The following DGUOK variants were observed in gnomAD, a reference collection of about 807,000 sequenced individuals.
DGUOK encodes the protein deoxyguanosine kinase, also known as deoxyguanosine kinase, mitochondrial.
Under a neutral mutation model 36.6 loss-of-function variants are expected in DGUOK, and 30 were observed. That is an observed-to-expected ratio of 0.82 (90% confidence interval 0.61 to 1.11). DGUOK has a LOEUF of 1.11. Ranked by LOEUF, DGUOK falls within the 50% of genes most tolerant of loss-of-function variation. DGUOK has a pLI of 0.00. For synonymous variants in DGUOK, 145 were observed against 126.3 expected (o/e 1.15, Z -0.99); for missense variants, 361 against 336.4 (o/e 1.07, Z -0.57).
In DGUOK at chr2:73,958,805, T is replaced by A; in HGVS notation, c.*69T>A. On this transcript the variant is annotated 3_prime_UTR_variant, in exon 7 of 7. Coordinates refer to ENST00000264093, the MANE Select transcript of DGUOK (RefSeq NM_080916.3). ...TCTGAAGCTAGAAAAATGTTGTGTC[T>A]CCCAACCACCTTTCCATCCCCAGCC... 1.5e-6 allele frequency: 2 copies of A among 1,356,306 alleles called. No individual in the cohort carries two copies. Among genetic ancestry groups the A allele is most frequent in the South Asian group, 2.3e-5 (2 of 86,024 alleles). 84.0% of individuals were successfully genotyped at this position (1,356,306 alleles called of 1,614,324 possible).
intron 1 of DGUOK, among the ~76,000 whole-genome samples, chr2:73,929,143 G>T (rs1017932919): frequency 1.3e-5 from 2 of 151,788 alleles, no homozygotes; most frequent in African/African-American, 4.8e-5. Context: ...GTGTGGTCTT[G>T]CCCTGTTGCC....
In DGUOK at chr2:73,947,182, G is replaced by A. The variant is rs186905301; in HGVS notation, c.443+276G>A. 831 of 452,092 alleles carry A rather than the reference G, an allele frequency of 1.8e-3. 5 individuals are homozygous for A. The highest frequency in any genetic ancestry group is 2.9e-3 in the Non-Finnish European group (701 of 244,252). 28.0% of individuals were successfully genotyped at this position (452,092 alleles called of 1,614,324 possible). ...ATGTTTCCTTATTTTCTGGCATGGA[G>A]CAAGCTGGTAGCCACCTAATGTAAC... On this transcript the variant is annotated intron_variant, in intron 3 of 6. Coordinates refer to ENST00000264093, the MANE Select transcript of DGUOK (RefSeq NM_080916.3).
At chr2:73,949,013 G>A (rs1172062485) in intron 3 of DGUOK, among the ~76,000 whole-genome samples, 1 of 152,188 alleles carries the variant, frequency 6.6e-6, no homozygotes, top group African/African-American at 2.4e-5. Flanking sequence ...GTGCAGTGGT[G>A]TAATCTTGGC....
intron 4 of DGUOK, among the ~76,000 whole-genome samples, chr2:73,952,524 G>T (rs1428976606): frequency 2.0e-5 from 3 of 152,248 alleles, no homozygotes; most frequent in Non-Finnish European, 4.4e-5. Context: ...ATTGAGTAAA[G>T]ATCCTGGTTG....
At chr2:73,958,109 T>C (rs770791760) in intron 5 of DGUOK, 37 bp from the exon 6 acceptor site, 1 of 1,549,908 alleles carries the variant, frequency 6.5e-7, no homozygotes, top group Non-Finnish European at 8.9e-7. Flanking sequence ...GTTACATTTC[T>C]TTTTTTCTGT....
chr2:73,933,388 A>G (rs543791417), intron 1 of DGUOK, among the ~76,000 whole-genome samples: 4 of 152,278 alleles, frequency 2.6e-5, no homozygotes, highest in Admixed American at 2.6e-4. Flanking sequence ...ACAAATAATT[A>G]CAGCGTAATC....
chr2:73,934,929 C>T (rs545666738), intron 1 of DGUOK, among the ~76,000 whole-genome samples: 36 of 151,954 alleles, frequency 2.4e-4, no homozygotes, highest in East Asian at 2.3e-3. Context: ...AAAAATTAGC[C>T]GGGCGTGGTG....
At position 73,952,352 on chromosome 2, in the gene DGUOK, T is replaced by C. The variant is rs1682761660; in HGVS notation, c.591+1620T>C. On this transcript the variant is annotated intron_variant, in intron 4 of 6. Transcript: ENST00000264093. Reference sequence around the variant, plus strand: ...AGAATAGAAGAAGGGGATTATACTTTAGGGGTAGAGATTAGTGTCAGCGAT... The same window carrying C: ...AGAATAGAAGAAGGGGATTATACTTCAGGGGTAGAGATTAGTGTCAGCGAT... Among the ~76,000 whole-genome samples, 2 of 152,188 alleles carry C rather than the reference T, an allele frequency of 1.3e-5. 1 individual carries two copies. Among genetic ancestry groups the C allele is most frequent in the East Asian group, 3.9e-4 (2 of 5,194 alleles).
chr2:73,929,251 G>C (rs1680833860), intron 1 of DGUOK, among the ~76,000 whole-genome samples: 1 of 152,162 alleles, frequency 6.6e-6, no homozygotes, highest in Admixed American at 6.5e-5. Context: ...TGGATCCACA[G>C]GTGTTTGCCA....
At chr2:73,936,111 C>T (rs1681442081) in intron 1 of DGUOK, among the ~76,000 whole-genome samples, 1 of 152,208 alleles carries the variant, frequency 6.6e-6, no homozygotes, top group Admixed American at 6.5e-5. Flanking sequence ...AGCTTTTTAG[C>T]TATTAAATAG....
intron 4 of DGUOK, among the ~76,000 whole-genome samples, chr2:73,950,945 A>G (rs1682663192): frequency 6.6e-6 from 1 of 152,146 alleles, no homozygotes; most frequent in African/African-American, 2.4e-5. Context: ...GACTATGCAT[A>G]AAAGGATTGC....
In DGUOK at chr2:73,958,748, A is replaced by T. The variant is rs774047790; in HGVS notation, c.*12A>T. The T allele has an allele frequency of 3.7e-6, 6 of 1,610,806 alleles. No homozygotes were observed. The African/African-American group carries it at 6.7e-5, about 18-fold the overall frequency. On this transcript the variant is annotated 3_prime_UTR_variant, in exon 7 of 7. Coordinates refer to ENST00000264093, the MANE Select transcript of DGUOK (RefSeq NM_080916.3). ...TAAAGAATCTGTAACCAATACCATG[A>T]AGTTCAGGCTGTGATCTGGGCTCCC...
intron 4 of DGUOK, among the ~76,000 whole-genome samples, chr2:73,955,744 C>G (rs1458479454): frequency 1.3e-5 from 2 of 151,986 alleles, no homozygotes; most frequent in African/African-American, 4.8e-5. Context: ...CGTGGTGGCT[C>G]CCGCCTGTAG....
At chr2:73,928,307 T>A (rs554414953) in intron 1 of DGUOK, among the ~76,000 whole-genome samples, 1 of 152,176 alleles carries the variant, frequency 6.6e-6, no homozygotes, top group Non-Finnish European at 1.5e-5. Context: ...TTTGTTTTGT[T>A]AGTAGAGACA....
Position 73,950,574 on chromosome 2 carries a change from C to G in DGUOK, c.444-11C>G, listed in dbSNP as rs536746349. The G allele has an allele frequency of 5.6e-6, 9 of 1,614,126 alleles. No individual in the cohort carries two copies. In the Admixed American group the frequency reaches 6.7e-5, roughly 12 times the overall value. On this transcript the variant is annotated splice_polypyrimidine_tract_variant and intron_variant, in intron 3 of 6. Coordinates refer to ENST00000264093, the MANE Select transcript of DGUOK (RefSeq NM_080916.3). ...TCCTGCCCTCCCCATTCCCATCCCA[C>G]TTCCAACCAGGTATATCTTTGCAAA...
chr2:73,954,861 A>T (rs865862775), intron 4 of DGUOK, among the ~76,000 whole-genome samples: 1 of 152,230 alleles, frequency 6.6e-6, no homozygotes, highest in East Asian at 1.9e-4. Context: ...TAGCTACACT[A>T]TCTTTCCTGT....
At chr2:73,927,174 G>T in intron 1 of DGUOK, 122 bp downstream of exon 1, 21 of 1,368,090 alleles carry the variant, frequency 1.5e-5, no homozygotes, top group Non-Finnish European at 2.0e-5. Flanking sequence ...TCTGGGCTGC[G>T]AGGAGAGCCT....
intron 6 of DGUOK, 77 bp from the exon 7 acceptor site, chr2:73,958,633 C>T: frequency 8.1e-7 from 1 of 1,235,942 alleles, no homozygotes. Flanking sequence ...GGCTTGGCTG[C>T]ATATGCATTG....
At chr2:73,931,596 G>A (rs1449660753) in intron 1 of DGUOK, among the ~76,000 whole-genome samples, 1 of 152,200 alleles carries the variant, frequency 6.6e-6, no homozygotes, top group South Asian at 2.1e-4. Context: ...GCAGTGGGAG[G>A]CTGTTGAACA....
Sources: gnomAD v4.1 joint callset for allele counts (sites outside exome capture counted in the v4.1 genomes callset) on GRCh38, gnomAD v4.1.1 for gene constraint, MANE v1.5 for transcripts, NCBI Gene and HGNC (gene_info 2026-07-23, HGNC 2026-07-21) for gene names.